HPSE2: variants seen among roughly 807,000 people sequenced by gnomAD.
HPSE2 encodes the protein heparanase 2 (inactive), also known as inactive heparanase-2.
HPSE2 carries 38 observed loss-of-function variants against 60.5 expected under a neutral mutation model. The ratio of observed to expected loss-of-function variants is 0.63; its 90% CI spans 0.48 to 0.82. The LOEUF is 0.82. Among genes scored for constraint, HPSE2 ranks in the 40% least tolerant of loss-of-function variants. HPSE2 has a pLI of 0.00. For missense variants in HPSE2, 713 were observed against 740.4 expected (o/e 0.96, Z 0.43); for synonymous variants, 295 against 293.2 (o/e 1.01, Z -0.06).
intron 9 of HPSE2, among the ~76,000 whole-genome samples, chr10:98,538,609 T>G (rs886918143): frequency 2.0e-5 from 3 of 152,024 alleles, no homozygotes; most frequent in African/African-American, 7.2e-5. Flanking sequence ...TACTGATAAA[T>G]GGGACCTACT....
At chr10:99,109,540 T>C (rs1285066551) in intron 3 of HPSE2, among the ~76,000 whole-genome samples, 1 of 152,000 alleles carries the variant, frequency 6.6e-6, no homozygotes, top group African/African-American at 2.4e-5. Flanking sequence ...GGAATGATAA[T>C]GCTAACCAGG....
chr10:98,636,095 C>T (rs981925330), intron 7 of HPSE2, among the ~76,000 whole-genome samples: 1 of 152,124 alleles, frequency 6.6e-6, no homozygotes, highest in African/African-American at 2.4e-5. Context: ...AAAAGGAATA[C>T]ATTCTAGTGT....
intron 3 of HPSE2, among the ~76,000 whole-genome samples, chr10:98,975,286 T>C (rs997717464): frequency 1.3e-5 from 2 of 151,872 alleles, no homozygotes; most frequent in African/African-American, 2.4e-5. Flanking sequence ...GAGAGTAAAC[T>C]AACTGATCAA....
chr10:99,210,039 A>G (rs141726150), intron 2 of HPSE2, among the ~76,000 whole-genome samples: 42 of 152,336 alleles, frequency 2.8e-4, no homozygotes, highest in Non-Finnish European at 4.9e-4. Flanking sequence ...AGCTAGATTA[A>G]GAAAAAAGAG....
intron 9 of HPSE2, among the ~76,000 whole-genome samples, chr10:98,612,821 T>A (rs1272681607): frequency 1.3e-5 from 2 of 152,328 alleles, no homozygotes; most frequent in East Asian, 1.9e-4. Context: ...ACTTCCCTAA[T>A]TAGGCCTTCC....
intron 2 of HPSE2, among the ~76,000 whole-genome samples, chr10:99,156,354 A>G (rs1846559424): frequency 6.9e-6 from 1 of 144,118 alleles, no homozygotes; most frequent in African/African-American, 2.5e-5. Context: ...ATCCTCAACA[A>G]AATTCTGGCA....
At chr10:98,637,542 T>A (rs1186295888) in intron 7 of HPSE2, among the ~76,000 whole-genome samples, 1 of 152,174 alleles carries the variant, frequency 6.6e-6, no homozygotes, top group Non-Finnish European at 1.5e-5. Flanking sequence ...ATCCTTAGCA[T>A]CTTCATTTTA....
At chr10:98,940,764 G>A (rs1440116629) in intron 3 of HPSE2, among the ~76,000 whole-genome samples, 5 of 142,224 alleles carry the variant, frequency 3.5e-5, no homozygotes, top group Admixed American at 7.0e-5. Flanking sequence ...ACCAAAGCTG[G>A]GCAGAGACAC....
intron 2 of HPSE2, among the ~76,000 whole-genome samples, chr10:99,182,699 T>C (rs2133835250): frequency 6.6e-6 from 1 of 152,134 alleles, no homozygotes; most frequent in East Asian, 1.9e-4. Context: ...CATCCTATCT[T>C]GGAAACCTAA....
At chr10:99,050,024 C>A (rs1003437436) in intron 3 of HPSE2, among the ~76,000 whole-genome samples, 4 of 152,100 alleles carry the variant, frequency 2.6e-5, no homozygotes, top group Non-Finnish European at 5.9e-5. Flanking sequence ...GTAAGCTGGG[C>A]ACAGTGGCTG....
At chr10:98,556,184 G>A (rs1322983321) in intron 9 of HPSE2, among the ~76,000 whole-genome samples, 2 of 152,170 alleles carry the variant, frequency 1.3e-5, no homozygotes, top group African/African-American at 4.8e-5. Context: ...TAGATCTAAG[G>A]GAAATTGCTG....
At chr10:99,233,817 C>A (rs928080855) in intron 1 of HPSE2, among the ~76,000 whole-genome samples, 2 of 152,106 alleles carry the variant, frequency 1.3e-5, no homozygotes, top group African/African-American at 4.8e-5. Context: ...CCTACTGTGG[C>A]AAAGGAGACG....
chr10:99,042,230 C>T (rs973282988), intron 3 of HPSE2, among the ~76,000 whole-genome samples: 1 of 152,116 alleles, frequency 6.6e-6, no homozygotes, highest in African/African-American at 2.4e-5. Flanking sequence ...CGACAGCCGT[C>T]CTATGGAGAA....
At position 98,713,343 on chromosome 10, in the gene HPSE2, A is replaced by G. The variant is rs1330950345; in HGVS notation, c.956+8314T>C. On this transcript the variant is annotated intron_variant, in intron 5 of 11. Coordinates refer to ENST00000370552, the MANE Select transcript of HPSE2 (RefSeq NM_021828.5). ...AGGTTTGTAAATGATTCTTCTGGCA[A>G]CTGAGTGAACAGATAGGAGGGGAAC... Among the ~76,000 whole-genome samples the G allele has an allele frequency of 3.3e-5, 5 of 152,070 alleles. No individual in the cohort carries two copies. The East Asian group carries it at 9.6e-4, about 29-fold the overall frequency.
At chr10:98,808,531 T>C (rs1951094626) in intron 3 of HPSE2, among the ~76,000 whole-genome samples, 1 of 152,148 alleles carries the variant, frequency 6.6e-6, no homozygotes, top group African/African-American at 2.4e-5. Flanking sequence ...GTGAGAGTCA[T>C]GCCTGAGCAG....
rs1564663092 is a variant in HPSE2 at position 98,927,973 on chromosome 10, C to A, written c.611-183917G>T. The stretch of plus-strand genomic sequence containing the variant: ...ACACCAAAAGCAATGGCAACAAAAG[C>A]CAAAATTGACAAATGGGATCTAATT... On this transcript the variant is annotated intron_variant, in intron 3 of 11. Coordinates refer to ENST00000370552, the MANE Select transcript of HPSE2 (RefSeq NM_021828.5). Among the ~76,000 whole-genome samples, 4 of 145,172 alleles carry A rather than the reference C, an allele frequency of 2.8e-5. No homozygotes were observed. The South Asian group carries it at 6.9e-4, about 25-fold the overall frequency.
At chr10:98,956,449 T>G (rs903539592) in intron 3 of HPSE2, among the ~76,000 whole-genome samples, 1 of 152,136 alleles carries the variant, frequency 6.6e-6, no homozygotes, top group African/African-American at 2.4e-5. Context: ...AACTTATTTC[T>G]CTCTCATTTA....
chr10:99,161,332 G>A (rs1846835888), intron 2 of HPSE2, among the ~76,000 whole-genome samples: 1 of 151,708 alleles, frequency 6.6e-6, no homozygotes, highest in African/African-American at 2.4e-5. Flanking sequence ...AACAAAATGT[G>A]GCAAATCCAT....
intron 9 of HPSE2, among the ~76,000 whole-genome samples, chr10:98,540,297 C>T (rs1943418288): frequency 6.6e-6 from 1 of 152,126 alleles, no homozygotes; most frequent in Non-Finnish European, 1.5e-5. Context: ...ATATGTTTTC[C>T]CCTACTTTCT....
Sources: allele counts gnomAD v4.1 joint callset (sites outside exome capture counted in the v4.1 genomes callset), GRCh38; gene constraint gnomAD v4.1.1; transcripts MANE v1.5; gene names NCBI Gene and HGNC (gene_info 2026-07-23, HGNC 2026-07-21).